The following PAXBP1 variants were observed in gnomAD, a reference collection of about 807,000 sequenced individuals.
PAXBP1 encodes PAX3 and PAX7 binding protein 1, also known as PAX3- and PAX7-binding protein 1.
PAXBP1 carries 44 observed loss-of-function variants against 119.9 expected under a neutral mutation model. The ratio of observed to expected loss-of-function variants is 0.37; its 90% CI spans 0.29 to 0.47. The LOEUF (loss-of-function observed/expected upper bound fraction) is 0.47, where lower values mean the gene tolerates loss of function less well. Ranked by LOEUF, PAXBP1 falls within the 20% of genes least tolerant of loss-of-function variation. PAXBP1 has a pLI of 0.99. For synonymous variants in PAXBP1, 393 were observed against 406.6 expected (o/e 0.97, Z 0.40); for missense variants, 898 against 1,134.1 (o/e 0.79, Z 2.99).
At chr21:32,759,635 T>A (rs1255853701) in intron 6 of PAXBP1, 142 bp downstream of exon 6, 2 of 744,566 alleles carry the variant, frequency 2.7e-6, no homozygotes, top group Non-Finnish European at 4.5e-6. Flanking sequence ...GAACAAAGTA[T>A]GAAGTCATCT....
chr21:32,756,365 C>T, intron 7 of PAXBP1: 1 of 516,696 alleles, frequency 1.9e-6, no homozygotes, highest in Middle Eastern at 3.2e-4. Context: ...CTGAACTGAA[C>T]AGACTGCAAA....
At chr21:32,755,477 C>A in intron 7 of PAXBP1, 124 bp from the exon 8 acceptor site, 1 of 1,264,350 alleles carries the variant, frequency 7.9e-7, no homozygotes, top group Admixed American at 2.6e-5. Flanking sequence ...TCATGAATCC[C>A]CAACAGCACA....
chr21:32,762,448 A>G, intron 3 of PAXBP1, 131 bp from the exon 4 acceptor site: 1 of 1,234,478 alleles, frequency 8.1e-7, no homozygotes, highest in South Asian at 1.6e-5. Flanking sequence ...CCTCCTTCCC[A>G]TACTATGTCT....
At chr21:32,752,155 G>A (rs1190169827) in intron 8 of PAXBP1, 2 of 152,340 alleles carry the variant, frequency 1.3e-5, no homozygotes, top group African/African-American at 4.8e-5. Flanking sequence ...TGTTCATATA[G>A]AAGAGCAAGA....
Position 32,744,846 on chromosome 21 carries a change from T to A in PAXBP1, c.2136A>T (p.Leu712=), listed in dbSNP as rs779518072. Residue 712 remains leucine (L), a synonymous_variant, in exon 13 of 18, where the codon CTA becomes CTT. Coordinates refer to ENST00000331923, the MANE Select transcript of PAXBP1 (RefSeq NM_016631.4). ...CTGAAGGATATCCATTGATTAATTTTAGTGTAATTCCCACCATTCTTGAAG... is the reference window on the plus strand; with the variant it reads ...CTGAAGGATATCCATTGATTAATTTAAGTGTAATTCCCACCATTCTTGAAG... ...TQTSRMVGIT[L]KLINGYPSVV... is the part of the protein sequence containing the mutation. The A allele has an allele frequency of 1.9e-6, 3 of 1,607,056 alleles. No homozygotes were observed. In the African/African-American group the frequency reaches 4.0e-5, roughly 22 times the overall value.
chr21:32,740,218 C>G (rs1052884906), intron 15 of PAXBP1, among the ~76,000 whole-genome samples: 1 of 152,152 alleles, frequency 6.6e-6, no homozygotes, highest in African/African-American at 2.4e-5. Flanking sequence ...TGCAACCATC[C>G]CTCTCTCACC....
At chr21:32,739,103 G>A (rs2043735164) in intron 15 of PAXBP1, among the ~76,000 whole-genome samples, 1 of 152,182 alleles carries the variant, frequency 6.6e-6, no homozygotes, top group Admixed American at 6.5e-5. Context: ...TCTGAAGCAG[G>A]GCTCTGCAAG....
At chr21:32,766,146 A>G (rs935488526) in intron 2 of PAXBP1, among the ~76,000 whole-genome samples, 6 of 152,198 alleles carry the variant, frequency 3.9e-5, no homozygotes, top group African/African-American at 1.4e-4. Flanking sequence ...AAAACAAAAC[A>G]AATTTACCCA....
intron 1 of PAXBP1, among the ~76,000 whole-genome samples, chr21:32,770,593 C>T (rs970695741): frequency 6.6e-6 from 1 of 152,164 alleles, no homozygotes; most frequent in Non-Finnish European, 1.5e-5. Context: ...ATGGAATTAA[C>T]TGGGTTATGC....
intron 11 of PAXBP1, among the ~76,000 whole-genome samples, chr21:32,746,567 A>G (rs1295921780): frequency 6.6e-6 from 1 of 152,254 alleles, no homozygotes; most frequent in Non-Finnish European, 1.5e-5. Flanking sequence ...ATCCCATGCC[A>G]ATCAGAATGG....
Position 32,742,240 on chromosome 21 carries a change from T to C in PAXBP1, c.2334+1008A>G, listed in dbSNP as rs529669189. 3.3e-5 allele frequency: 5 copies of C among 152,308 alleles called. No individual in the cohort carries two copies. In the East Asian group the frequency reaches 9.6e-4, roughly 29 times the overall value. The allele number at this position is 152,308 out of a possible 1,614,324, so 9.4% of individuals were successfully genotyped here. On this transcript the variant is annotated intron_variant, in intron 15 of 17. Coordinates refer to ENST00000331923, the MANE Select transcript of PAXBP1 (RefSeq NM_016631.4). ...AGTGAATTTTACCGTATGTAAATTA[T>C]ACCTTTTATTTTTTTTTTAAGGAAA... is the stretch of plus-strand genomic sequence containing the variant.
chr21:32,762,784 AC>A lies in PAXBP1; in HGVS notation c.650-468del, dbSNP rs372324749. Among the ~76,000 whole-genome samples, 419 of 151,622 alleles carry A rather than the reference AC, an allele frequency of 2.8e-3. 6 individuals are homozygous for A. The highest frequency in any genetic ancestry group is 0.025 in the South Asian group (119 of 4,802). On this transcript the variant is annotated intron_variant, in intron 3 of 17. Transcript: ENST00000331923. ...AAATTAGCCAGGTGTGGTGGCGGGC[AC>A]CTGTAATCCCAGCTACTTGGGAGGC... is the stretch of plus-strand genomic sequence containing the variant.
intron 15 of PAXBP1, among the ~76,000 whole-genome samples, chr21:32,740,544 C>T (rs2043765360): frequency 6.6e-6 from 1 of 152,160 alleles, no homozygotes; most frequent in Admixed American, 6.5e-5. Flanking sequence ...ACAAATAGTG[C>T]TGGAACAAGT....
chr21:32,737,793 A>C (rs2043714278), intron 16 of PAXBP1, among the ~76,000 whole-genome samples: 1 of 152,112 alleles, frequency 6.6e-6, no homozygotes, highest in Admixed American at 6.6e-5. Context: ...CAGCACCCCC[A>C]TCCCCTGCAA....
At chr21:32,765,679 T>C (rs2044228493) in intron 2 of PAXBP1, among the ~76,000 whole-genome samples, 1 of 152,154 alleles carries the variant, frequency 6.6e-6, no homozygotes. Context: ...CAAGAAGATT[T>C]TAGGTAACCT....
At chr21:32,735,399 T>C (rs529806831) in intron 17 of PAXBP1, among the ~76,000 whole-genome samples, 2 of 152,338 alleles carry the variant, frequency 1.3e-5, no homozygotes, top group South Asian at 2.1e-4. Flanking sequence ...TTCAGAGGCC[T>C]GTCTCCCATT....
chr21:32,755,067 A>T, intron 8 of PAXBP1, 163 bp downstream of exon 8: 1 of 747,266 alleles, frequency 1.3e-6, no homozygotes, highest in Non-Finnish European at 2.0e-6. Context: ...AACACAATTC[A>T]AGTACATGCT....
At chr21:32,743,547 ACTAATCTAGTC>A (rs2146475324) in intron 14 of PAXBP1, 120 bp downstream of exon 14, 1 of 758,984 alleles carries the variant, frequency 1.3e-6, no homozygotes, top group South Asian at 1.7e-5. Flanking sequence ...CAATCTCGCC[ACTAATCTAGTC>A]TCTCTGTAAT....
At chr21:32,753,648 G>T (rs1348346112) in intron 8 of PAXBP1, among the ~76,000 whole-genome samples, 1 of 152,124 alleles carries the variant, frequency 6.6e-6, no homozygotes, top group East Asian at 1.9e-4. Flanking sequence ...ATCAGAAAAT[G>T]AATTGATTCT....
Sources: allele counts gnomAD v4.1 joint callset (sites outside exome capture counted in the v4.1 genomes callset), GRCh38; gene constraint gnomAD v4.1.1; transcripts MANE v1.5; gene names NCBI Gene and HGNC (gene_info 2026-07-23, HGNC 2026-07-21).